SEMA6D: variants seen among roughly 807,000 people sequenced by gnomAD.
SEMA6D encodes semaphorin-6D.
A neutral mutation model predicts 106.6 loss-of-function variants in SEMA6D; 35 were observed. The observed-to-expected ratio is 0.33, with a 90% CI of 0.25 to 0.44. The LOEUF is 0.44. Among genes scored for constraint, SEMA6D ranks in the 20% least tolerant of loss-of-function variants. The probability of loss-of-function intolerance (pLI) is 1.00; values close to 1 mark genes in which losing one functional copy is unlikely to be tolerated. For missense variants in SEMA6D, 1,185 were observed against 1,345.9 expected, an observed-to-expected ratio of 0.88 and a Z score of 1.87; for synonymous variants, 499 against 487.7, an observed-to-expected ratio of 1.02 and a Z score of -0.31.
intron 3 of SEMA6D, among the ~76,000 whole-genome samples, chr15:47,504,415 A>G (rs551826679): frequency 6.6e-6 from 1 of 152,226 alleles, no homozygotes; most frequent in East Asian, 1.9e-4. Context: ...GTGCAAGCAT[A>G]GTGCTCATCC....
chr15:47,367,710 ACACACACACACACAC>A (rs1567031184), intron 1 of SEMA6D, among the ~76,000 whole-genome samples: 16 of 150,138 alleles, frequency 1.1e-4, no homozygotes, highest in African/African-American at 3.5e-4. Flanking sequence ...ACACACACAC[ACACACACACACACAC>A]ACAGAGAGAG....
chr15:47,341,263 G>T (rs1184464067), intron 1 of SEMA6D, among the ~76,000 whole-genome samples: 1 of 152,010 alleles, frequency 6.6e-6, no homozygotes, highest in African/African-American at 2.4e-5. Flanking sequence ...GGTGGTGGGC[G>T]CCTGTAATCC....
chr15:47,251,676 G>A (rs918125737), intron 1 of SEMA6D, among the ~76,000 whole-genome samples: 1 of 151,958 alleles, frequency 6.6e-6, no homozygotes, highest in Non-Finnish European at 1.5e-5. Context: ...AAAGAAAATA[G>A]CAACAACTGT....
At chr15:47,189,312 A>C (rs1893796244) in intron 1 of SEMA6D, among the ~76,000 whole-genome samples, 1 of 152,096 alleles carries the variant, frequency 6.6e-6, no homozygotes, top group Admixed American at 6.6e-5. Context: ...TTTCTATGTA[A>C]ATACAGTATT....
At chr15:47,505,974 G>A (rs1054164121) in intron 3 of SEMA6D, among the ~76,000 whole-genome samples, 1 of 152,090 alleles carries the variant, frequency 6.6e-6, no homozygotes, top group Non-Finnish European at 1.5e-5. Context: ...GAAGTCAGGG[G>A]GTGGAGGTGG....
intron 1 of SEMA6D, among the ~76,000 whole-genome samples, chr15:47,723,143 G>A (rs16959972): frequency 0.058 from 8,764 of 152,168 alleles, 772 homozygotes; most frequent in African/African-American, 0.18. Flanking sequence ...GGAAAATTGC[G>A]TACTGAGTGA....
At chr15:47,641,127 G>T (rs1249312529) in intron 4 of SEMA6D, among the ~76,000 whole-genome samples, 1 of 152,198 alleles carries the variant, frequency 6.6e-6, no homozygotes, top group Non-Finnish European at 1.5e-5. Flanking sequence ...GAGGGCTGCC[G>T]CAGTATCCAT....
chr15:47,461,563 G>A (rs187469898), intron 2 of SEMA6D, among the ~76,000 whole-genome samples: 71 of 152,014 alleles, frequency 4.7e-4, no homozygotes, highest in African/African-American at 1.4e-3. Context: ...CAGTATTTCC[G>A]TCATTAAAAA....
intron 3 of SEMA6D, among the ~76,000 whole-genome samples, chr15:47,503,233 GA>G (rs550441342): frequency 1.3e-3 from 195 of 151,790 alleles, no homozygotes; most frequent in Admixed American, 1.9e-3. Context: ...ATCTATTTAA[GA>G]AAAAAAATAG....
chr15:47,659,704 A>G (rs1215317417), intron 4 of SEMA6D, among the ~76,000 whole-genome samples: 3 of 152,116 alleles, frequency 2.0e-5, no homozygotes, highest in South Asian at 2.1e-4. Flanking sequence ...CTTTACATAT[A>G]CAAAGTTCTT....
intron 3 of SEMA6D, among the ~76,000 whole-genome samples, chr15:47,552,791 TTTATATATATATAAAAATATATATAAATA>T (rs1566882122): frequency 2.3e-5 from 1 of 43,340 alleles, no homozygotes; most frequent in African/African-American, 8.5e-5. Context: ...TATATATATT[TTTATATATATATAAAAATATATATAAATA>T]TATATATTTT....
At chr15:47,202,149 T>C (rs1336657669) in intron 1 of SEMA6D, among the ~76,000 whole-genome samples, 1 of 152,038 alleles carries the variant, frequency 6.6e-6, no homozygotes, top group Admixed American at 6.6e-5. Flanking sequence ...TAATCAGGAA[T>C]GAGCAGGTCA....
rs545686746 is a variant in SEMA6D at position 47,288,676 on chromosome 15, G to A, written c.-239+104258G>A. On this transcript the variant is annotated intron_variant, in intron 1 of 19. Transcript: ENST00000558014. ...CATGAATACATGAATGAGAGGAGTAGTGGGCAAAAGACTTGTAATATGATT... is the reference window on the plus strand; with the variant it reads ...CATGAATACATGAATGAGAGGAGTAATGGGCAAAAGACTTGTAATATGATT... 1.2e-4 allele frequency among the ~76,000 whole-genome samples: 19 copies of A among 152,230 alleles called. No homozygotes were observed. The East Asian group carries it at 2.9e-3, about 23-fold the overall frequency.
chr15:47,626,173 C>T (rs1255747587), intron 4 of SEMA6D, among the ~76,000 whole-genome samples: 3 of 152,156 alleles, frequency 2.0e-5, no homozygotes, highest in Non-Finnish European at 2.9e-5. Context: ...AAGCATTGCT[C>T]ACCTAAGAGT....
chr15:47,301,730 A>G (rs1380758100), intron 1 of SEMA6D, among the ~76,000 whole-genome samples: 1 of 152,180 alleles, frequency 6.6e-6, no homozygotes, highest in Non-Finnish European at 1.5e-5. Flanking sequence ...TGTGAGAGGG[A>G]GGAAACGAGA....
intron 4 of SEMA6D, among the ~76,000 whole-genome samples, chr15:47,664,574 G>A (rs1186103428): frequency 6.6e-6 from 1 of 152,144 alleles, no homozygotes; most frequent in Non-Finnish European, 1.5e-5. Flanking sequence ...TCCTCACTGG[G>A]GTGTGACATA....
chr15:47,646,789 C>T lies in SEMA6D; in HGVS notation c.-55+45893C>T, dbSNP rs191564556. ...TGTATTCACTAGGTAAATGTGTCCC[C>T]TTTGGCAAAATATGCCATGAGCTGA... On this transcript the variant is annotated intron_variant, in intron 4 of 19. Coordinates refer to the SEMA6D transcript ENST00000558014. Among the ~76,000 whole-genome samples the T allele has an allele frequency of 2.2e-3, 331 of 152,268 alleles. 1 individual carries two copies. The highest frequency in any genetic ancestry group is 3.4e-3 in the Middle Eastern group (1 of 294).
intron 3 of SEMA6D, among the ~76,000 whole-genome samples, chr15:47,499,264 C>T (rs1175224500): frequency 6.6e-6 from 1 of 152,104 alleles, no homozygotes; most frequent in Non-Finnish European, 1.5e-5. Context: ...GTCCTCTAAT[C>T]CGTCCTCAGA....
intron 3 of SEMA6D, among the ~76,000 whole-genome samples, chr15:47,575,130 T>C (rs1245645045): frequency 6.6e-6 from 1 of 152,214 alleles, no homozygotes; most frequent in African/African-American, 2.4e-5. Flanking sequence ...AGGGACACAA[T>C]TGTCATTTCA....
Sources: allele counts gnomAD v4.1 joint callset (sites outside exome capture counted in the v4.1 genomes callset), GRCh38; gene constraint gnomAD v4.1.1; transcripts MANE v1.5; gene names NCBI Gene and HGNC (gene_info 2026-07-23, HGNC 2026-07-21).